Variants in BLOC1S5 observed in about 807,000 individuals in gnomAD.
BLOC1S5 encodes biogenesis of lysosomal organelles complex 1 subunit 5, also known as biogenesis of lysosome-related organelles complex 1 subunit 5.
Under a neutral mutation model 24.3 loss-of-function variants are expected in BLOC1S5, and 27 were observed. That is an observed-to-expected ratio of 1.11 (90% CI 0.82 to 1.53). BLOC1S5 has a LOEUF of 1.53. BLOC1S5 is among the 40% of genes most tolerant of loss of function. The pLI, the probability that BLOC1S5 is intolerant of heterozygous loss-of-function variation, is 0.00. For missense variants in BLOC1S5, 239 were observed against 229.4 expected (o/e 1.04, Z -0.27); for synonymous variants, 84 against 74.5 (o/e 1.13, Z -0.66).
At position 8,032,451 on chromosome 6, in the gene BLOC1S5, T is replaced by TA. The variant is rs752543023; in HGVS notation, c.326-6027dup. On this transcript the variant is annotated intron_variant, in intron 3 of 4. Coordinates refer to ENST00000397457, the MANE Select transcript of BLOC1S5 (RefSeq NM_201280.3). ...AAGAATGGCCATAATTTAAAAAATTTAAAAAAAAATTGATGGAATGTATCT... is the reference window on the plus strand; with the variant it reads ...AAGAATGGCCATAATTTAAAAAATTTAAAAAAAAAATTGATGGAATGTATCT... Among the ~76,000 whole-genome samples the TA allele has an allele frequency of 1.8e-3, 271 of 151,546 alleles. 1 individual carries two copies. Among genetic ancestry groups the TA allele is most frequent in the Middle Eastern group, 6.8e-3 (2 of 294 alleles).
chr6:8,055,923 G>A (rs924803148), intron 2 of BLOC1S5, among the ~76,000 whole-genome samples: 1 of 152,152 alleles, frequency 6.6e-6, no homozygotes, highest in African/African-American at 2.4e-5. Context: ...CCACAGTGTT[G>A]GGAGGTGGGG....
At chr6:8,028,990 C>T (rs1234408648) in intron 3 of BLOC1S5, among the ~76,000 whole-genome samples, 1 of 152,026 alleles carries the variant, frequency 6.6e-6, no homozygotes, top group South Asian at 2.1e-4. Context: ...AAGAATTTAT[C>T]AAGTGCTTTT....
intron 2 of BLOC1S5, among the ~76,000 whole-genome samples, chr6:8,050,727 C>G (rs555402047): frequency 6.6e-6 from 1 of 151,968 alleles, no homozygotes; most frequent in South Asian, 2.1e-4. Flanking sequence ...CTCGGCCTCC[C>G]AAGTAGCTGG....
chr6:8,035,066 A>G (rs1763440121), intron 3 of BLOC1S5, among the ~76,000 whole-genome samples: 1 of 152,204 alleles, frequency 6.6e-6, no homozygotes, highest in South Asian at 2.1e-4. Context: ...ATTACAGACC[A>G]TTATTCTAAG....
At chr6:8,025,994 T>A (rs538599313) in intron 4 of BLOC1S5, among the ~76,000 whole-genome samples, 2 of 152,326 alleles carry the variant, frequency 1.3e-5, no homozygotes, top group South Asian at 4.1e-4. Context: ...CAGGCATGAA[T>A]GCTTCCCTTT....
intron 3 of BLOC1S5, among the ~76,000 whole-genome samples, chr6:8,038,892 T>C (rs895595018): frequency 3.9e-5 from 6 of 152,204 alleles, no homozygotes; most frequent in Non-Finnish European, 1.5e-5. Flanking sequence ...ACAACCACTA[T>C]GGAGAACAGT....
intron 2 of BLOC1S5, among the ~76,000 whole-genome samples, chr6:8,057,360 T>C (rs1764351578): frequency 6.6e-6 from 1 of 152,224 alleles, no homozygotes; most frequent in Non-Finnish European, 1.5e-5. Context: ...TATTTTTAAC[T>C]GAGGGGTAAC....
At chr6:8,057,820 A>C (rs77444979) in intron 2 of BLOC1S5, among the ~76,000 whole-genome samples, 3,626 of 152,318 alleles carry the variant, frequency 0.024, 143 homozygotes, top group African/African-American at 0.081. Flanking sequence ...CTCTAATTTT[A>C]ACCAACATTT....
At chr6:8,016,835 C>T (rs371755693) in intron 4 of BLOC1S5, among the ~76,000 whole-genome samples, 83 of 144,166 alleles carry the variant, frequency 5.8e-4, no homozygotes, top group African/African-American at 1.8e-3. Flanking sequence ...GAGATGAGCA[C>T]GCCATTGCAC....
chr6:8,038,763 C>T (rs911301228), intron 3 of BLOC1S5, among the ~76,000 whole-genome samples: 2 of 152,170 alleles, frequency 1.3e-5, no homozygotes, highest in African/African-American at 4.8e-5. Flanking sequence ...GGATTACAGG[C>T]GTGGGCCACC....
chr6:8,064,239 G>A (rs749761863), intron 1 of BLOC1S5, 26 bp downstream of exon 1: 11 of 1,587,528 alleles, frequency 6.9e-6, no homozygotes, highest in Non-Finnish European at 9.5e-6. Context: ...GGATCCACCA[G>A]GAACTATAGC....
intron 4 of BLOC1S5, 96 bp downstream of exon 4, chr6:8,026,271 C>T: frequency 1.0e-6 from 1 of 973,198 alleles, no homozygotes; most frequent in Non-Finnish European, 1.6e-6. Context: ...GTAAAACTCA[C>T]TGCATTCAGA....
intron 3 of BLOC1S5, among the ~76,000 whole-genome samples, chr6:8,028,424 C>T (rs1040267699): frequency 1.3e-5 from 2 of 151,078 alleles, no homozygotes; most frequent in East Asian, 3.9e-4. Context: ...ATTAACATGA[C>T]ATCATCTTTC....
intron 4 of BLOC1S5, among the ~76,000 whole-genome samples, chr6:8,016,888 A>AAAG (rs1762757276): frequency 6.6e-6 from 1 of 150,914 alleles, no homozygotes; most frequent in Admixed American, 6.6e-5. Flanking sequence ...AAAAAAAAAA[A>AAAG]AAAAAAAGAA....
intron 2 of BLOC1S5, among the ~76,000 whole-genome samples, chr6:8,053,839 C>A (rs1581432005): frequency 6.6e-6 from 1 of 152,140 alleles, no homozygotes; most frequent in Admixed American, 6.5e-5. Context: ...TTTGTTCTCT[C>A]TTTTTGGTGT....
At chr6:8,047,985 A>G (rs754340461) in intron 2 of BLOC1S5, among the ~76,000 whole-genome samples, 27 of 152,272 alleles carry the variant, frequency 1.8e-4, no homozygotes, top group Non-Finnish European at 3.2e-4. Context: ...AGTTTCAAAA[A>G]TAATGAGTTG....
intron 4 of BLOC1S5, chr6:8,017,734 AC>A (rs1762792198): frequency 6.6e-6 from 1 of 152,202 alleles, no homozygotes; most frequent in Non-Finnish European, 1.5e-5. Flanking sequence ...TTCTCATTTT[AC>A]AGACAAAGAA....
chr6:8,052,746 T>C (rs531498865), intron 2 of BLOC1S5, among the ~76,000 whole-genome samples: 3 of 151,990 alleles, frequency 2.0e-5, no homozygotes, highest in Non-Finnish European at 4.4e-5. Context: ...CACAAAAAAA[T>C]TAGCCGGGCA....
chr6:8,019,471 A>C (rs1489898930), intron 4 of BLOC1S5, among the ~76,000 whole-genome samples: 1 of 151,874 alleles, frequency 6.6e-6, no homozygotes, highest in East Asian at 1.9e-4. Context: ...GTTTCACCAC[A>C]CTGGCCAGGC....
Sources: gnomAD v4.1 joint callset for allele counts (sites outside exome capture counted in the v4.1 genomes callset) on GRCh38, gnomAD v4.1.1 for gene constraint, MANE v1.5 for transcripts, NCBI Gene and HGNC (gene_info 2026-07-23, HGNC 2026-07-21) for gene names.